SUGCT: variants seen among roughly 807,000 people sequenced by gnomAD.
The protein encoded by SUGCT is succinyl-CoA:glutarate CoA-transferase.
In SUGCT, 41 loss-of-function variants were observed where a neutral mutation model predicts 55.0. That is an observed-to-expected ratio of 0.74 (90% CI 0.58 to 0.97). SUGCT has a LOEUF of 0.97. SUGCT is among the 50% of genes least tolerant of loss of function. The pLI, the probability that SUGCT is intolerant of heterozygous loss-of-function variation, is 0.00. For synonymous variants in SUGCT, 187 were observed against 200.4 expected, an observed-to-expected ratio of 0.93 and a Z score of 0.56; for missense variants, 568 against 547.8, an observed-to-expected ratio of 1.04 and a Z score of -0.37.
At chr7:40,304,469 G>A (rs1009418404) in intron 8 of SUGCT, among the ~76,000 whole-genome samples, 1 of 150,794 alleles carries the variant, frequency 6.6e-6, no homozygotes, top group African/African-American at 2.4e-5. Flanking sequence ...GGTTTTGGGG[G>A]AACAGGTGTG....
At chr7:40,355,199 T>C (rs1179347743) in intron 9 of SUGCT, among the ~76,000 whole-genome samples, 2 of 152,230 alleles carry the variant, frequency 1.3e-5, no homozygotes, top group African/African-American at 4.8e-5. Context: ...GGAAGGACAC[T>C]GGAGTGTTTT....
chr7:40,552,454 A>G (rs2214846), intron 12 of SUGCT, among the ~76,000 whole-genome samples: 6,325 of 151,976 alleles, frequency 0.042, 428 homozygotes, highest in African/African-American at 0.14. Context: ...GGCTCACCCT[A>G]CTAATAGATC....
chr7:40,552,596 T>C (rs1795356435), intron 12 of SUGCT, among the ~76,000 whole-genome samples: 1 of 152,162 alleles, frequency 6.6e-6, no homozygotes, highest in South Asian at 2.1e-4. Flanking sequence ...ATGACAAAGA[T>C]CAAAGTGCAA....
chr7:40,514,074 G>C (rs977471205), intron 12 of SUGCT, among the ~76,000 whole-genome samples: 7 of 151,928 alleles, frequency 4.6e-5, no homozygotes, highest in African/African-American at 1.7e-4. Flanking sequence ...ACAGGTGTGA[G>C]TCACCGTGCC....
chr7:40,864,552 A>G (rs548166888), downstream of SUGCT, among the ~76,000 whole-genome samples: 20 of 152,298 alleles, frequency 1.3e-4, no homozygotes, highest in South Asian at 4.1e-3. Flanking sequence ...TTACCCCAAC[A>G]TCCACTCAAA....
chr7:40,807,274 C>A (rs919868431), intron 13 of SUGCT, among the ~76,000 whole-genome samples: 2 of 151,988 alleles, frequency 1.3e-5, no homozygotes, highest in Non-Finnish European at 2.9e-5. Flanking sequence ...ACAGGTTTGT[C>A]ACATAGGTAA....
intron 13 of SUGCT, among the ~76,000 whole-genome samples, chr7:40,830,548 G>A (rs1180151077): frequency 2.6e-5 from 4 of 152,088 alleles, no homozygotes; most frequent in Non-Finnish European, 5.9e-5. Flanking sequence ...TCCTCACTGA[G>A]GTCTCTGCTC....
intron 12 of SUGCT, among the ~76,000 whole-genome samples, chr7:40,679,918 A>G (rs1052198475): frequency 2.6e-5 from 4 of 152,208 alleles, no homozygotes. Context: ...ACCATACTGC[A>G]GCATTTGTGT....
At position 40,747,216 on chromosome 7, in the gene SUGCT, T is replaced by G. The variant is rs1222879451; in HGVS notation, c.1090-2218T>G. Among the ~76,000 whole-genome samples, 3 of 152,068 alleles carry G rather than the reference T, an allele frequency of 2.0e-5. No homozygotes were observed. The East Asian group carries it at 5.8e-4, about 29-fold the overall frequency. ...GTGTTATCATCCTCAATGAGGGAGG[T>G]TGACATCGTTGTTTAAAGAGCATCA... On this transcript the variant is annotated intron_variant, in intron 12 of 13. Coordinates refer to ENST00000335693, the MANE Select transcript of SUGCT (RefSeq NM_001193313.2).
chr7:40,255,227 CAAA>C (rs35996807), intron 7 of SUGCT, among the ~76,000 whole-genome samples: 5 of 101,008 alleles, frequency 5.0e-5, no homozygotes, highest in African/African-American at 4.0e-5. Context: ...AACTTCATCT[CAAA>C]AAAAAAAAAA....
chr7:40,945,747 C>T, the SUGCT span, among the ~76,000 whole-genome samples: 1 of 152,190 alleles, frequency 6.6e-6, no homozygotes, highest in Admixed American at 6.5e-5. Context: ...TGGACTTCCC[C>T]TTGCCCCAGG....
intron 12 of SUGCT, among the ~76,000 whole-genome samples, chr7:40,594,184 G>A (rs1040672675): frequency 6.6e-6 from 1 of 152,102 alleles, no homozygotes. Context: ...GTGGGGTGCG[G>A]GGAGAGGGGA....
chr7:40,862,355 A>G (rs1384576517), downstream of SUGCT, among the ~76,000 whole-genome samples: 2 of 152,200 alleles, frequency 1.3e-5, no homozygotes, highest in Admixed American at 1.3e-4. Flanking sequence ...TTTTGAACCT[A>G]CTGGTCACCC....
At chr7:40,304,581 C>T (rs1325963772) in intron 8 of SUGCT, among the ~76,000 whole-genome samples, 2 of 151,502 alleles carry the variant, frequency 1.3e-5, no homozygotes, top group Non-Finnish European at 2.9e-5. Context: ...TTTTATCCCT[C>T]ACCACCCCCC....
At chr7:40,209,978 C>A (rs1787240126) in intron 6 of SUGCT, among the ~76,000 whole-genome samples, 1 of 152,150 alleles carries the variant, frequency 6.6e-6, no homozygotes. Context: ...TAGTGTGGGA[C>A]AAATCTTCAC....
At chr7:40,807,262 G>A (rs1791151439) in intron 13 of SUGCT, among the ~76,000 whole-genome samples, 1 of 152,142 alleles carries the variant, frequency 6.6e-6, no homozygotes, top group African/African-American at 2.4e-5. Context: ...TGTGCAGGAT[G>A]TACAGGTTTG....
downstream of SUGCT, among the ~76,000 whole-genome samples, chr7:40,861,492 G>C (rs1389685764): frequency 6.6e-6 from 1 of 152,170 alleles, no homozygotes. Flanking sequence ...GCTAAGCCCA[G>C]GTATAGTCTG....
chr7:40,883,921 T>A, the SUGCT span, among the ~76,000 whole-genome samples: 2 of 152,254 alleles, frequency 1.3e-5, no homozygotes, highest in Middle Eastern at 3.4e-3. Flanking sequence ...CTCCAGTAAA[T>A]TCAGTTTCCA....
intron 9 of SUGCT, among the ~76,000 whole-genome samples, chr7:40,409,705 ATT>A (rs111917936): frequency 7.0e-6 from 1 of 142,224 alleles, no homozygotes; most frequent in African/African-American, 2.6e-5. Flanking sequence ...ATTTTGGATA[ATT>A]TTTTTTTTTT....
Sources: allele counts gnomAD v4.1 joint callset (sites outside exome capture counted in the v4.1 genomes callset), GRCh38; gene constraint gnomAD v4.1.1; transcripts MANE v1.5; gene names NCBI Gene and HGNC (gene_info 2026-07-23, HGNC 2026-07-21).